ABL2: variants seen among roughly 807,000 people sequenced by gnomAD.
ABL2 encodes the protein ABL proto-oncogene 2, non-receptor tyrosine kinase.
In ABL2, 49 loss-of-function variants were observed where a neutral mutation model predicts 107.7. That is an observed-to-expected ratio of 0.45 (90% CI 0.36 to 0.58). ABL2 has a LOEUF of 0.58. Ranked by LOEUF, ABL2 falls within the 20% of genes least tolerant of loss-of-function variation. The pLI, the probability that ABL2 is intolerant of heterozygous loss-of-function variation, is 0.00. For missense variants in ABL2, 1,245 were observed against 1,457.0 expected, an observed-to-expected ratio of 0.85 and a Z score of 2.37; for synonymous variants, 549 against 548.6, an observed-to-expected ratio of 1.00 and a Z score of -0.01.
intron 1 of ABL2, among the ~76,000 whole-genome samples, chr1:179,207,821 T>C (rs1372047764): frequency 2.6e-5 from 4 of 152,292 alleles, no homozygotes; most frequent in South Asian, 2.1e-4. Context: ...CCAGAGTCCA[T>C]GCCATTAACA....
intron 1 of ABL2, among the ~76,000 whole-genome samples, chr1:179,199,731 C>CT (rs55794608): frequency 0.31 from 41,718 of 135,464 alleles, 6,961 homozygotes; most frequent in East Asian, 0.47. Context: ...ACACTTTTTC[C>CT]TTTTTTTTTT....
At chr1:179,205,936 T>C (rs1380949101) in intron 1 of ABL2, among the ~76,000 whole-genome samples, 1 of 152,242 alleles carries the variant, frequency 6.6e-6, no homozygotes, top group African/African-American at 2.4e-5. Context: ...TAAGTACTTT[T>C]CTAAGCACTT....
intron 1 of ABL2, among the ~76,000 whole-genome samples, chr1:179,134,108 T>C (rs1156340723): frequency 6.6e-6 from 1 of 152,228 alleles, no homozygotes; most frequent in Non-Finnish European, 1.5e-5. Flanking sequence ...GTTCCTTGTA[T>C]CTGGAATGGT....
At chr1:179,191,770 C>T (rs1200521641) in intron 1 of ABL2, among the ~76,000 whole-genome samples, 1 of 152,046 alleles carries the variant, frequency 6.6e-6, no homozygotes, top group East Asian at 1.9e-4. Flanking sequence ...TTTAAATAAT[C>T]AACACTCTGT....
chr1:179,108,491 T>A lies in ABL2; in HGVS notation c.2776A>T (p.Thr926Ser), dbSNP rs202035355. The change falls in exon 12 of 12, where the codon ACT becomes TCT. Residue 926 changes from threonine (T) to serine (S), a missense_variant. By Grantham distance (58) the Thr-to-Ser change is moderately conservative (BLOSUM62 1). Coordinates refer to ENST00000502732, the MANE Select transcript of ABL2 (RefSeq NM_007314.4). The part of the protein sequence containing the change: ...PAKAAPVLPT[T>S]HNHKVPVLIS... ...AGGACTGGCACTTTGTGGTTGTGAG[T>A]GGTTGGGAGGACGGGGGCAGCCTTG... The A allele has an allele frequency of 6.8e-6, 11 of 1,614,020 alleles. No individual in the cohort carries two copies. The highest frequency in any genetic ancestry group is 9.3e-6 in the Non-Finnish European group (11 of 1,179,968).
At chr1:179,199,549 G>C (rs576121076) in intron 1 of ABL2, among the ~76,000 whole-genome samples, 1 of 151,946 alleles carries the variant, frequency 6.6e-6, no homozygotes, top group South Asian at 2.1e-4. Flanking sequence ...CTAACATTTT[G>C]AGTTATTATA....
intron 6 of ABL2, among the ~76,000 whole-genome samples, chr1:179,119,975 G>A (rs752461285): frequency 2.0e-5 from 3 of 152,046 alleles, no homozygotes; most frequent in Non-Finnish European, 4.4e-5. Flanking sequence ...AGAAAGGTTT[G>A]GGGGAGGAAA....
chr1:179,132,553 T>C (rs1428667914), intron 2 of ABL2, among the ~76,000 whole-genome samples: 2 of 151,954 alleles, frequency 1.3e-5, no homozygotes, highest in African/African-American at 2.4e-5. Flanking sequence ...CATTATTATT[T>C]TGAGATGGAG....
intron 1 of ABL2, among the ~76,000 whole-genome samples, chr1:179,214,540 A>ATATG (rs1384951250): frequency 1.4e-5 from 2 of 146,758 alleles, no homozygotes; most frequent in Non-Finnish European, 3.0e-5. Context: ...ATATATATAT[A>ATATG]TATATATATA....
intron 1 of ABL2, among the ~76,000 whole-genome samples, chr1:179,213,514 T>C (rs912623444): frequency 1.4e-4 from 21 of 151,774 alleles, no homozygotes; most frequent in Non-Finnish European, 2.4e-4. Context: ...TTGCCCAGGC[T>C]GGTCTCAAAC....
At chr1:179,179,718 A>C (rs1223581826) in intron 1 of ABL2, among the ~76,000 whole-genome samples, 2 of 152,188 alleles carry the variant, frequency 1.3e-5, no homozygotes, top group African/African-American at 4.8e-5. Context: ...TCTTAAAGGA[A>C]ACTCAAGAGT....
At chr1:179,154,523 T>A (rs1658564392) in intron 1 of ABL2, among the ~76,000 whole-genome samples, 1 of 152,240 alleles carries the variant, frequency 6.6e-6, no homozygotes, top group Admixed American at 6.5e-5. Flanking sequence ...GGCCCTTTCA[T>A]GCAACTAGAA....
At chr1:179,197,575 T>A (rs201927997) in intron 1 of ABL2, among the ~76,000 whole-genome samples, 8 of 140,342 alleles carry the variant, frequency 5.7e-5, no homozygotes, top group South Asian at 2.2e-4. Flanking sequence ...AAAAAAAAAA[T>A]TAAAAAAAAA....
At chr1:179,115,052 G>A in intron 8 of ABL2, 22 bp from the exon 9 acceptor site, 1 of 1,559,622 alleles carries the variant, frequency 6.4e-7, no homozygotes, top group African/African-American at 1.4e-5. Flanking sequence ...ATTAAAAAAA[G>A]CACTTAGTGT....
intron 1 of ABL2, among the ~76,000 whole-genome samples, chr1:179,193,453 G>C (rs1246583526): frequency 6.6e-6 from 1 of 151,948 alleles, no homozygotes; most frequent in Non-Finnish European, 1.5e-5. Flanking sequence ...ACTCAGGCTG[G>C]AGTGCAATGG....
At chr1:179,152,864 G>C (rs1229319641) in intron 1 of ABL2, among the ~76,000 whole-genome samples, 1 of 152,134 alleles carries the variant, frequency 6.6e-6, no homozygotes, top group Non-Finnish European at 1.5e-5. Context: ...TTTTGGAGAA[G>C]GGATTTGATA....
At chr1:179,226,043 C>CAAAAAAAAAAAAAA (rs1194438803) in intron 1 of ABL2, among the ~76,000 whole-genome samples, 1 of 45,686 alleles carries the variant, frequency 2.2e-5, no homozygotes, top group African/African-American at 9.0e-5. Context: ...GACTCCGCCT[C>CAAAAAAAAAAAAAA]AAAAAAAAAA....
chr1:179,114,603 C>A (rs986783533), intron 9 of ABL2, among the ~76,000 whole-genome samples: 1 of 152,130 alleles, frequency 6.6e-6, no homozygotes, highest in East Asian at 1.9e-4. Context: ...CGGCCCTCCC[C>A]ACCTTAATCT....
At chr1:179,162,972 G>T (rs974117571) in intron 1 of ABL2, among the ~76,000 whole-genome samples, 1 of 152,068 alleles carries the variant, frequency 6.6e-6, no homozygotes, top group Non-Finnish European at 1.5e-5. Flanking sequence ...TGGTGGAAAG[G>T]AAAGAAAATA....
Sources: allele counts gnomAD v4.1 joint callset (sites outside exome capture counted in the v4.1 genomes callset), GRCh38; gene constraint gnomAD v4.1.1; transcripts MANE v1.5; gene names NCBI Gene and HGNC (gene_info 2026-07-23, HGNC 2026-07-21).